MYO5C: variants seen among roughly 807,000 people sequenced by gnomAD.
The protein encoded by MYO5C is unconventional myosin-Vc.
Under a neutral mutation model 235.7 loss-of-function variants are expected in MYO5C, and 194 were observed. That is an observed-to-expected ratio of 0.82 (90% confidence interval 0.73 to 0.93). The LOEUF (loss-of-function observed/expected upper bound fraction) is 0.93, where lower values mean the gene tolerates loss of function less well. Among genes scored for constraint, MYO5C ranks in the 40% least tolerant of loss-of-function variants. The pLI is 0.00. For missense variants in MYO5C, 2,038 were observed against 2,127.2 expected (o/e 0.96, Z 0.82); for synonymous variants, 707 against 754.8 (o/e 0.94, Z 1.04).
intron 11 of MYO5C, among the ~76,000 whole-genome samples, chr15:52,254,418 G>A (rs1022625566): frequency 6.6e-6 from 1 of 152,198 alleles, no homozygotes; most frequent in African/African-American, 2.4e-5. Flanking sequence ...CTTGACCACA[G>A]AAAGTCACGT....
At chr15:52,230,858 C>T (rs542911363) in intron 24 of MYO5C, among the ~76,000 whole-genome samples, 13 of 139,058 alleles carry the variant, frequency 9.3e-5, no homozygotes, top group African/African-American at 3.3e-4. Context: ...GACAGGGTCT[C>T]ACTCTGTCGC....
chr15:52,216,889 C>T (rs1431718546), intron 32 of MYO5C, among the ~76,000 whole-genome samples: 1 of 152,126 alleles, frequency 6.6e-6, no homozygotes, highest in East Asian at 1.9e-4. Context: ...AGGCCAGGTG[C>T]AGAGAGGCAG....
At chr15:52,283,300 A>C (rs1596231462) in intron 1 of MYO5C, among the ~76,000 whole-genome samples, 2 of 152,250 alleles carry the variant, frequency 1.3e-5, no homozygotes, top group Non-Finnish European at 2.9e-5. Flanking sequence ...TTGGCACAAC[A>C]ATACCTATTT....
chr15:52,201,322 A>T (rs969681658), intron 38 of MYO5C, among the ~76,000 whole-genome samples: 1 of 152,220 alleles, frequency 6.6e-6, no homozygotes, highest in Admixed American at 6.5e-5. Context: ...GAATAATTCA[A>T]ATGACTATGG....
At chr15:52,256,587 A>ACACACGCGCGCGCACGCGCGCG in intron 11 of MYO5C, 52 bp downstream of exon 11, 1 of 564,336 alleles carries the variant, frequency 1.8e-6, no homozygotes, top group African/African-American at 2.0e-5. Flanking sequence ...ACACACACAC[A>ACACACGCGCGCGCACGCGCGCG]CGCGCGCGCG....
At chr15:52,288,190 C>T (rs1020584132) in intron 1 of MYO5C, among the ~76,000 whole-genome samples, 4 of 152,118 alleles carry the variant, frequency 2.6e-5, no homozygotes, top group Non-Finnish European at 4.4e-5. Flanking sequence ...AAACAGCAGA[C>T]AGAGTCTCAA....
intron 36 of MYO5C, 76 bp downstream of exon 36, chr15:52,208,478 C>T (rs2035371098): frequency 1.1e-5 from 15 of 1,349,214 alleles, no homozygotes; most frequent in South Asian, 2.4e-5. Flanking sequence ...GATAGAGGCT[C>T]TATTGAGCTC....
chr15:52,246,105 G>C (rs1237723660), intron 16 of MYO5C, 63 bp from the exon 17 acceptor site: 2 of 1,331,668 alleles, frequency 1.5e-6, no homozygotes, highest in Non-Finnish European at 2.1e-6. Context: ...CCCATAAACA[G>C]GCACAGCAGA....
At position 52,270,502 on chromosome 15, in the gene MYO5C, C is replaced by T. The variant is rs542277621; in HGVS notation, c.833-642G>A. On this transcript the variant is annotated intron_variant, in intron 7 of 40. Transcript: ENST00000261839. The stretch of plus-strand genomic sequence containing the variant: ...ATAAACTGCATATGTTTAACACGTA[C>T]GATTTGATGAATTTTTGACATACAT... 4.0e-5 allele frequency among the ~76,000 whole-genome samples: 6 copies of T among 151,890 alleles called. No homozygotes were observed. The South Asian group carries it at 1.0e-3, about 26-fold the overall frequency.
chr15:52,229,123 G>A lies in MYO5C; in HGVS notation c.3207+10C>T. On this transcript the variant is annotated intron_variant, in intron 25 of 40. Transcript: ENST00000261839. ...CCAGAGGGCGGGGCTGAACGTGAGA[G>A]CCGCTCTACCTTGACCTGCTTGCTC... 4 of 1,613,706 alleles carry A rather than the reference G, an allele frequency of 2.5e-6. No homozygotes were observed. Among genetic ancestry groups the A allele is most frequent in the Non-Finnish European group, 3.4e-6 (4 of 1,179,792 alleles).
rs1372320632 is a variant in MYO5C at position 52,224,945 on chromosome 15, A to C, written c.3402T>G (p.Asp1134Glu). 4 of 1,613,890 alleles carry C rather than the reference A, an allele frequency of 2.5e-6. No individual in the cohort carries two copies. Among genetic ancestry groups the C allele is most frequent in the Non-Finnish European group, 3.4e-6 (4 of 1,179,982 alleles). ...CTTCATAAGCAAACCAAAGTTCTCC[A>C]TCCTCATTTAAATGTTCCAGATCTT... ...SVEDLEHLNE[D>E]GELWFAYEGL... Residue 1134 changes from aspartate (D) to glutamate (E), a missense_variant, in exon 28 of 41, where the codon GAT becomes GAG. By Grantham distance (45) the Asp-to-Glu change is conservative. Transcript: ENST00000261839.
chr15:52,204,673 G>A (rs951274381), intron 38 of MYO5C, among the ~76,000 whole-genome samples, 192 bp downstream of exon 38: 12 of 152,116 alleles, frequency 7.9e-5, no homozygotes, highest in Non-Finnish European at 1.5e-4. Flanking sequence ...TTGGCAGGGT[G>A]TGGCGTGAGG....
chr15:52,251,536 A>G, intron 12 of MYO5C, 21 bp from the exon 13 acceptor site: 1 of 1,578,380 alleles, frequency 6.3e-7, no homozygotes, highest in Non-Finnish European at 8.6e-7. Context: ...AAAATAAACC[A>G]AATAGCAAGT....
Position 52,218,636 on chromosome 15 carries a change from A to C in MYO5C, c.3837T>G (p.Ile1279Met), listed in dbSNP as rs751829822. ...CCTCCTGCATTTCTTGAATCTTATC[A>C]ATCAGCTTCTCCTTCTCTTTGGTAT... ...EIHTKEKEKLIDKIQEMQEAS... is the reference protein window; with the variant it reads ...EIHTKEKEKLMDKIQEMQEAS... Residue 1279 changes from isoleucine to methionine, a missense_variant, in exon 32 of 41, where the codon ATT becomes ATG. Physicochemically the swap from Ile to Met is conservative, Grantham distance 10. Coordinates refer to ENST00000261839, the MANE Select transcript of MYO5C (RefSeq NM_018728.4). The C allele has an allele frequency of 6.2e-7, 1 of 1,614,122 alleles. No homozygotes were observed. The highest frequency in any genetic ancestry group is 1.1e-5 in the South Asian group (1 of 91,074).
intron 20 of MYO5C, among the ~76,000 whole-genome samples, chr15:52,241,749 T>TGA (rs35362776): frequency 0.082 from 12,347 of 150,024 alleles, 614 homozygotes; most frequent in East Asian, 0.25. Flanking sequence ...TGTGTGTGTG[T>TGA]GTGAGAGAGA....
chr15:52,272,661 T>G lies in MYO5C; in HGVS notation c.669A>C (p.Glu223Asp), dbSNP rs756461114. The G allele has an allele frequency of 6.2e-7, 1 of 1,614,200 alleles. No homozygotes were observed. The highest frequency in any genetic ancestry group is 2.2e-5 in the East Asian group (1 of 44,882). The change falls in exon 6 of 41, where the codon GAA becomes GAC. Residue 223 changes from glutamate to aspartate, a missense_variant. By Grantham distance (45) the Glu-to-Asp change is conservative (BLOSUM62 2). Coordinates refer to ENST00000261839, the MANE Select transcript of MYO5C (RefSeq NM_018728.4). ...TTTGATTTTGTTCATCAAAACTGAT[T>G]TCTGTGTATTTCCCAAACCGACTAC... is the stretch of plus-strand genomic sequence containing the variant. The part of the protein sequence containing the change: ...DNSSRFGKYT[E>D]ISFDEQNQII...
At chr15:52,259,453 A>C (rs1395789711) in intron 10 of MYO5C, among the ~76,000 whole-genome samples, 1 of 151,986 alleles carries the variant, frequency 6.6e-6, no homozygotes. Context: ...GAAAGAAATA[A>C]TATACTGTTA....
intron 5 of MYO5C, 117 bp downstream of exon 5, chr15:52,275,445 G>T: frequency 2.3e-6 from 3 of 1,294,692 alleles, no homozygotes; most frequent in Non-Finnish European, 2.2e-6. Flanking sequence ...GGTCTTTCCT[G>T]CCCTCACTTC....
At chr15:52,253,852 C>T (rs534127129) in intron 11 of MYO5C, among the ~76,000 whole-genome samples, 181 of 152,314 alleles carry the variant, frequency 1.2e-3, no homozygotes, top group African/African-American at 3.9e-3. Flanking sequence ...GCTGCGGGGC[C>T]GGTGGGAGAA....
Sources: gnomAD v4.1 joint callset for allele counts (sites outside exome capture counted in the v4.1 genomes callset) on GRCh38, gnomAD v4.1.1 for gene constraint, MANE v1.5 for transcripts, NCBI Gene and HGNC (gene_info 2026-07-23, HGNC 2026-07-21) for gene names.